Variants in ZDHHC11B observed in about 807,000 individuals in gnomAD.
ZDHHC11B encodes zDHHC palmitoyltransferase 11B (putative).
ZDHHC11B carries 17 observed loss-of-function variants against 42.3 expected under a neutral mutation model. The observed-to-expected ratio is 0.40, with a 90% CI of 0.27 to 0.60. The LOEUF is 0.60. Ranked by LOEUF, ZDHHC11B falls within the 20% of genes least tolerant of loss-of-function variation. The probability of loss-of-function intolerance (pLI) is 0.41; values close to 1 mark genes in which losing one functional copy is unlikely to be tolerated. For synonymous variants in ZDHHC11B, 123 were observed against 193.5 expected (o/e 0.64, Z 3.02); for missense variants, 262 against 463.2 (o/e 0.57, Z 3.99).
At chr5:778,465 G>A in intron 1 of ZDHHC11B, among the ~76,000 whole-genome samples, 1 of 150,788 alleles carries the variant, frequency 6.6e-6, no homozygotes, top group East Asian at 2.0e-4. Flanking sequence ...GGGCAGAGCA[G>A]GTTACAGAAC....
At chr5:753,705 C>A (rs1477105952) in intron 6 of ZDHHC11B, among the ~76,000 whole-genome samples, 2 of 148,546 alleles carry the variant, frequency 1.3e-5, no homozygotes, top group African/African-American at 4.9e-5. Flanking sequence ...CCATCTCACG[C>A]AGCCTCTGGA....
intron 8 of ZDHHC11B, chr5:747,524 G>C (rs3822823): frequency 6.9e-6 from 1 of 144,170 alleles, no homozygotes; most frequent in Non-Finnish European, 1.5e-5. Flanking sequence ...CTGTGGTTAT[G>C]AACAAGGAGG....
chr5:745,787 A>T, intron 8 of ZDHHC11B, among the ~76,000 whole-genome samples: 1 of 149,966 alleles, frequency 6.7e-6, no homozygotes, highest in Non-Finnish European at 1.5e-5. Context: ...GGATGCACAG[A>T]GACCCCACAG....
intron 12 of ZDHHC11B, among the ~76,000 whole-genome samples, chr5:727,212 G>A (rs2126988959): frequency 7.5e-6 from 1 of 133,988 alleles, no homozygotes; most frequent in East Asian, 2.2e-4. Context: ...TGGAACTCTG[G>A]CGCTGCCCCC....
At chr5:776,444 G>GC (rs1465606818) in intron 1 of ZDHHC11B, among the ~76,000 whole-genome samples, 2 of 151,890 alleles carry the variant, frequency 1.3e-5, no homozygotes, top group Non-Finnish European at 2.9e-5. Flanking sequence ...GAATGGCACA[G>GC]CCCCAAGGGA....
In ZDHHC11B at chr5:728,669, C is replaced by A. The variant is rs531004342; in HGVS notation, c.1058+1765G>T. On this transcript the variant is annotated intron_variant, in intron 12 of 13. Transcript: ENST00000508859. Reference sequence around the variant, plus strand: ...ATCATCTTCAAACTGATACAATCAGCATGTAATAAGGTTATAAGTTCTGAG... The same window carrying A: ...ATCATCTTCAAACTGATACAATCAGAATGTAATAAGGTTATAAGTTCTGAG... Among the ~76,000 whole-genome samples, 19 of 152,114 alleles carry A rather than the reference C, an allele frequency of 1.2e-4. No homozygotes were observed. In the East Asian group the frequency reaches 3.3e-3, roughly 26 times the overall value.
chr5:723,591 G>C lies in ZDHHC11B; in HGVS notation c.1059-6726C>G. ...AGGTCAGCCTGGGATGCCTCTGGGG[G>C]TATCAGAGCAACAGGATCAGACGCA... On this transcript the variant is annotated intron_variant, in intron 12 of 13. Transcript: ENST00000508859. Among the ~76,000 whole-genome samples the C allele has an allele frequency of 2.1e-5, 2 of 95,728 alleles. 1 individual carries two copies. The highest frequency in any genetic ancestry group is 6.8e-4 in the South Asian group (2 of 2,922). 62.8% of individuals were successfully genotyped at this position (95,728 alleles called of 152,430 possible). A position where few individuals can be genotyped will look rare whatever the true frequency, so the allele number is the denominator to read the frequency against.
chr5:729,181 G>A (rs1313793439), intron 12 of ZDHHC11B, among the ~76,000 whole-genome samples: 4 of 151,126 alleles, frequency 2.6e-5, no homozygotes, highest in Non-Finnish European at 1.5e-5. Context: ...GAGCCATGAG[G>A]TGTGGGTGCT....
chr5:718,498 T>A (rs1683328596), intron 12 of ZDHHC11B, among the ~76,000 whole-genome samples: 1 of 151,514 alleles, frequency 6.6e-6, no homozygotes, highest in South Asian at 2.1e-4. Context: ...ATGGTGAAAC[T>A]CTGTCTCTAC....
chr5:764,650 A>G (rs1735039690), intron 4 of ZDHHC11B, among the ~76,000 whole-genome samples: 1 of 151,826 alleles, frequency 6.6e-6, no homozygotes, highest in African/African-American at 2.4e-5. Context: ...CCCCGCTGCC[A>G]TGGGCTCCTG....
chr5:783,699 G>A (rs1256796548), intron 1 of ZDHHC11B, among the ~76,000 whole-genome samples: 1 of 124,950 alleles, frequency 8.0e-6, no homozygotes, highest in East Asian at 2.7e-4. Flanking sequence ...CAAAACAGCA[G>A]CGCCCAAACC....
intron 12 of ZDHHC11B, among the ~76,000 whole-genome samples, chr5:717,349 C>T (rs764131146): frequency 2.0e-5 from 3 of 151,756 alleles, no homozygotes; most frequent in Admixed American, 6.6e-5. Flanking sequence ...CCCAGCCAGC[C>T]AATGACTTGA....
At chr5:730,776 G>C (rs562833652) in intron 11 of ZDHHC11B, among the ~76,000 whole-genome samples, 8 of 151,694 alleles carry the variant, frequency 5.3e-5, no homozygotes, top group Non-Finnish European at 7.4e-5. Flanking sequence ...GAGGCTACTA[G>C]AGTGAGCCCT....
chr5:773,622 T>C, intron 1 of ZDHHC11B, among the ~76,000 whole-genome samples: 1 of 151,970 alleles, frequency 6.6e-6, no homozygotes, highest in East Asian at 1.9e-4. Context: ...CCTCTCCCAC[T>C]GGCCAGCACC....
chr5:764,519 G>A lies in ZDHHC11B; in HGVS notation c.222+2179C>T, dbSNP rs148125048. Among the ~76,000 whole-genome samples, 1,435 of 151,958 alleles carry A rather than the reference G, an allele frequency of 9.4e-3. 36 individuals carry two copies. The highest frequency in any genetic ancestry group is 0.015 in the Non-Finnish European group (1,037 of 67,862). On this transcript the variant is annotated intron_variant, in intron 4 of 13. Coordinates refer to ENST00000508859, the MANE Select transcript of ZDHHC11B (RefSeq NM_001351303.2). ...CTTAGCACCTAGGCCAGCAGCTGTG[G>A]AGGGTGCGCCAGGTCCCCCAGGAGT...
intron 1 of ZDHHC11B, among the ~76,000 whole-genome samples, chr5:771,359 T>G (rs1383015091): frequency 1.3e-5 from 2 of 151,706 alleles, no homozygotes; most frequent in African/African-American, 4.8e-5. Flanking sequence ...CCCCACCCAC[T>G]CACCCCTTTC....
chr5:784,229 C>T (rs1185666496), intron 1 of ZDHHC11B, among the ~76,000 whole-genome samples: 1 of 151,630 alleles, frequency 6.6e-6, no homozygotes, highest in Admixed American at 6.6e-5. Context: ...TCATTCCAGC[C>T]CTCCACGCCC....
intron 1 of ZDHHC11B, among the ~76,000 whole-genome samples, chr5:772,524 C>T (rs1314143184): frequency 5.9e-5 from 9 of 151,554 alleles, no homozygotes; most frequent in African/African-American, 1.2e-4. Context: ...ACCTCAGAGA[C>T]GTGGCCACAC....
intron 1 of ZDHHC11B, among the ~76,000 whole-genome samples, chr5:775,296 C>A (rs1211931271): frequency 6.6e-6 from 1 of 151,926 alleles, no homozygotes; most frequent in African/African-American, 2.4e-5. Flanking sequence ...CGCTCCCAGG[C>A]AGGTGCCCAT....
Sources: gnomAD v4.1 joint callset for allele counts (sites outside exome capture counted in the v4.1 genomes callset) on GRCh38, gnomAD v4.1.1 for gene constraint, MANE v1.5 for transcripts, NCBI Gene and HGNC (gene_info 2026-07-23, HGNC 2026-07-21) for gene names.